The following EDA variants were observed in gnomAD, a reference collection of about 807,000 sequenced individuals.
The protein encoded by EDA is ectodysplasin-A.
Under a neutral mutation model 23.6 loss-of-function variants are expected in EDA, and 2 were observed. The observed-to-expected ratio is 0.08, with a 90% CI of 0.03 to 0.27. The LOEUF is 0.27. Ranked by LOEUF, EDA falls within the 10% of genes least tolerant of loss-of-function variation. The pLI, the probability that EDA is intolerant of heterozygous loss-of-function variation, is 1.00. For missense variants in EDA, 229 were observed against 324.2 expected, an observed-to-expected ratio of 0.71 and a Z score of 2.26; for synonymous variants, 131 against 132.0, an observed-to-expected ratio of 0.99 and a Z score of 0.05.
At chrX:69,833,161 A>G (rs1408853263) in intron 1 of EDA, among the ~76,000 whole-genome samples, 1 of 111,940 alleles carries the variant, frequency 8.9e-6, no homozygotes, top group Non-Finnish European at 1.9e-5. Flanking sequence ...ATTCAGTATG[A>G]TACTGGCTGT....
chrX:69,686,936 T>C (rs1569296629), intron 1 of EDA, among the ~76,000 whole-genome samples: 1 of 111,908 alleles, frequency 8.9e-6, no homozygotes, highest in Non-Finnish European at 1.9e-5. Flanking sequence ...CTTGAGTATA[T>C]ACCTACAAGT....
At chrX:69,752,769 A>G (rs1483009103) in intron 1 of EDA, among the ~76,000 whole-genome samples, 3 of 111,891 alleles carry the variant, frequency 2.7e-5, no homozygotes, top group South Asian at 3.8e-4. Context: ...TCATTGGTCT[A>G]TTCAGGGATT....
At chrX:69,787,069 C>G (rs1161366964) in intron 1 of EDA, among the ~76,000 whole-genome samples, 2 of 103,417 alleles carry the variant, frequency 1.9e-5, no homozygotes, top group Non-Finnish European at 2.0e-5. Context: ...CTCTTTTGAT[C>G]TTTGTTGGTT....
intron 1 of EDA, among the ~76,000 whole-genome samples, chrX:69,782,422 T>G (rs1287780072): frequency 9.8e-6 from 1 of 101,935 alleles, no homozygotes; most frequent in African/African-American, 3.7e-5. Flanking sequence ...AGACTTCTAC[T>G]GAGAGGAGAG....
chrX:69,936,786 G>C (rs1320598226), intron 1 of EDA, among the ~76,000 whole-genome samples: 3 of 111,792 alleles, frequency 2.7e-5, no homozygotes, highest in Non-Finnish European at 5.6e-5. Flanking sequence ...GTCAGTGCTA[G>C]TTAATTTAGG....
At chrX:69,847,796 A>G (rs942521526) in intron 1 of EDA, among the ~76,000 whole-genome samples, 11 of 111,833 alleles carry the variant, frequency 9.8e-5, no homozygotes, top group African/African-American at 3.6e-4. Flanking sequence ...TTATGTGAAC[A>G]TAAGTTTTCA....
At chrX:69,745,593 C>T (rs375325298) in intron 1 of EDA, among the ~76,000 whole-genome samples, 1 of 112,008 alleles carries the variant, frequency 8.9e-6, no homozygotes, top group Non-Finnish European at 1.9e-5. Flanking sequence ...AGAGACCCTG[C>T]AAATAAAATA....
At chrX:69,956,505 C>T (rs1452764004) in intron 1 of EDA, among the ~76,000 whole-genome samples, 9 of 109,383 alleles carry the variant, frequency 8.2e-5, no homozygotes, top group Non-Finnish European at 1.5e-4. Flanking sequence ...CCACCACACC[C>T]GGCTAATTTT....
chrX:69,975,621 A>C (rs1204181357), intron 2 of EDA, among the ~76,000 whole-genome samples: 1 of 111,741 alleles, frequency 8.9e-6, no homozygotes, highest in Non-Finnish European at 1.9e-5. Context: ...CCTGAATCTA[A>C]AATAAAAGTT....
chrX:69,815,736 G>A (rs2016066104), intron 1 of EDA, among the ~76,000 whole-genome samples: 1 of 112,419 alleles, frequency 8.9e-6, no homozygotes, highest in Non-Finnish European at 1.9e-5. Flanking sequence ...CCACAGTTCA[G>A]TTGACTCAGC....
intron 1 of EDA, among the ~76,000 whole-genome samples, chrX:69,948,277 G>C (rs1291202625): frequency 8.9e-6 from 1 of 111,920 alleles, no homozygotes; most frequent in African/African-American, 3.2e-5. Context: ...TACTTGCATT[G>C]TTGGGCAGTG....
intron 1 of EDA, among the ~76,000 whole-genome samples, chrX:69,855,795 C>A (rs1428205395): frequency 9.0e-6 from 1 of 111,614 alleles, no homozygotes; most frequent in African/African-American, 3.2e-5. Context: ...CTTGTATATT[C>A]GGGGTCTTTT....
chrX:69,813,589 G>A (rs1011666898), intron 1 of EDA, among the ~76,000 whole-genome samples: 12 of 111,253 alleles, frequency 1.1e-4, no homozygotes, highest in Admixed American at 4.8e-4. Context: ...ATCTATCTTC[G>A]GTCTCCAGCA....
chrX:69,710,771 C>T (rs2011977109), intron 1 of EDA, among the ~76,000 whole-genome samples: 1 of 111,404 alleles, frequency 9.0e-6, no homozygotes, highest in Admixed American at 9.6e-5. Flanking sequence ...TGGGAGTTCA[C>T]TCATGATTTG....
intron 1 of EDA, among the ~76,000 whole-genome samples, chrX:69,634,646 T>C (rs1932726466): frequency 9.1e-6 from 1 of 109,345 alleles, no homozygotes; most frequent in Non-Finnish European, 1.9e-5. Context: ...CTCTCCTCTT[T>C]TGGTTTCCAT....
intron 1 of EDA, among the ~76,000 whole-genome samples, chrX:69,639,218 T>C (rs5980829): frequency 0.38 from 41,701 of 110,429 alleles, 6,464 homozygotes; most frequent in East Asian, 0.89. Flanking sequence ...ATAATGCTGC[T>C]ATGAACATGG....
intron 1 of EDA, among the ~76,000 whole-genome samples, chrX:69,750,995 G>A (rs1216964691): frequency 2.5e-4 from 27 of 109,872 alleles, no homozygotes; most frequent in African/African-American, 7.8e-4. Flanking sequence ...TCTGATGGTA[G>A]TTTCTTTTGC....
chrX:69,828,079 T>C (rs1339018901), intron 1 of EDA, among the ~76,000 whole-genome samples: 1 of 110,846 alleles, frequency 9.0e-6, no homozygotes, highest in African/African-American at 3.3e-5. Context: ...AGCTGCGTGC[T>C]GGGAGAACCA....
At chrX:69,766,307 T>C (rs746584757) in intron 1 of EDA, among the ~76,000 whole-genome samples, 1 of 110,966 alleles carries the variant, frequency 9.0e-6, no homozygotes, top group African/African-American at 3.3e-5. Context: ...CTATTTTAGG[T>C]TCAGGGTTAC....
Sources: gnomAD v4.1 joint callset for allele counts (sites outside exome capture counted in the v4.1 genomes callset) on GRCh38, gnomAD v4.1.1 for gene constraint, MANE v1.5 for transcripts, NCBI Gene and HGNC (gene_info 2026-07-23, HGNC 2026-07-21) for gene names.